Variants in USP32 observed in about 807,000 individuals in gnomAD.
USP32 encodes the protein ubiquitin carboxyl-terminal hydrolase 32.
A neutral mutation model predicts 204.8 loss-of-function variants in USP32; 59 were observed. The ratio of observed to expected loss-of-function variants is 0.29; its 90% CI spans 0.23 to 0.36. The LOEUF (loss-of-function observed/expected upper bound fraction) is 0.36. USP32 is among the 10% of genes least tolerant of loss of function. The probability of loss-of-function intolerance (pLI) is 1.00; values close to 1 mark genes in which losing one functional copy is unlikely to be tolerated. For missense variants in USP32, 1,160 were observed against 1,946.4 expected (o/e 0.60, Z 7.60); for synonymous variants, 517 against 678.4 (o/e 0.76, Z 3.70).
chr17:60,358,635 G>T lies in USP32; in HGVS notation c.59-13027C>A, dbSNP rs1184707549. ...TCCTCTGTGCTTCAAGAATATAAAAGACCACTAGGAAAACAGAAGGTCAAG... is the reference window on the plus strand; with the variant it reads ...TCCTCTGTGCTTCAAGAATATAAAATACCACTAGGAAAACAGAAGGTCAAG... On this transcript the variant is annotated intron_variant, in intron 1 of 33. Coordinates refer to ENST00000300896, the MANE Select transcript of USP32 (RefSeq NM_032582.4). 3.3e-5 allele frequency among the ~76,000 whole-genome samples: 5 copies of T among 152,066 alleles called. No homozygotes were observed. In the East Asian group the frequency reaches 9.6e-4, roughly 29 times the overall value.
intron 2 of USP32, among the ~76,000 whole-genome samples, chr17:60,309,499 G>A (rs1029750597): frequency 1.6e-4 from 25 of 152,138 alleles, no homozygotes; most frequent in African/African-American, 5.8e-4. Flanking sequence ...TTACTCGGGA[G>A]GCTGAGGTGG....
chr17:60,186,233 T>C (rs1279740895), intron 29 of USP32, among the ~76,000 whole-genome samples: 1 of 152,250 alleles, frequency 6.6e-6, no homozygotes, highest in Non-Finnish European at 1.5e-5. Context: ...GAATTGCATT[T>C]ATTTAACAAC....
intron 1 of USP32, among the ~76,000 whole-genome samples, chr17:60,371,314 C>T (rs2089436614): frequency 6.6e-6 from 1 of 150,406 alleles, no homozygotes; most frequent in African/African-American, 2.4e-5. Flanking sequence ...CACGTATAAT[C>T]CCAGCACTTT....
intron 22 of USP32, among the ~76,000 whole-genome samples, 191 bp from the exon 23 acceptor site, chr17:60,209,019 G>A (rs2084898274): frequency 6.6e-6 from 1 of 151,996 alleles, no homozygotes; most frequent in South Asian, 2.1e-4. Flanking sequence ...AGGTAACAAT[G>A]GTAAATATTA....
intron 3 of USP32, among the ~76,000 whole-genome samples, chr17:60,297,224 C>T (rs2087453336): frequency 6.6e-6 from 1 of 151,902 alleles, no homozygotes; most frequent in African/African-American, 2.4e-5. Flanking sequence ...ATAGCGAGAC[C>T]CCTATCTCTA....
At chr17:60,201,747 C>G (rs1310956424) in intron 26 of USP32, among the ~76,000 whole-genome samples, 1 of 152,000 alleles carries the variant, frequency 6.6e-6, no homozygotes, top group Non-Finnish European at 1.5e-5. Context: ...CAACCTCTGC[C>G]TCTGGGGTTC....
rs757013642 is a variant in USP32 at position 60,420,283 on chromosome 17, C to T, written c.106+1963G>A. Among the ~76,000 whole-genome samples the T allele has an allele frequency of 2.2e-3, 336 of 152,028 alleles. 2 individuals carry two copies. The highest frequency in any genetic ancestry group is 7.4e-3 in the African/African-American group (306 of 41,458). ...TGCTGCGATTATAGGTGTGAGCCAC[C>T]GCACCCGGCAGAATTATGTTGTTTT... is the stretch of plus-strand genomic sequence containing the variant. On this transcript the variant is annotated intron_variant, in intron 1 of 3. Coordinates refer to the USP32 transcript ENST00000588898.
At chr17:60,201,229 C>T (rs536542478) in intron 26 of USP32, among the ~76,000 whole-genome samples, 1 of 152,180 alleles carries the variant, frequency 6.6e-6, no homozygotes, top group Non-Finnish European at 1.5e-5. Context: ...TATATAACTA[C>T]AAATCCATTC....
chr17:60,301,542 T>G, intron 3 of USP32, 57 bp downstream of exon 3: 30 of 1,092,720 alleles, frequency 2.7e-5, no homozygotes, highest in Non-Finnish European at 3.5e-5. Flanking sequence ...ATCAGAATTT[T>G]GAGATAAATT....
intron 26 of USP32, 119 bp downstream of exon 26, chr17:60,205,328 A>C (rs2084795698): frequency 5.8e-6 from 8 of 1,377,330 alleles, no homozygotes; most frequent in Non-Finnish European, 5.6e-6. Flanking sequence ...ATTAAATTTT[A>C]AAAAATTAAA....
intron 11 of USP32, among the ~76,000 whole-genome samples, chr17:60,250,021 T>TA (rs2086127779): frequency 9.9e-5 from 15 of 151,948 alleles, no homozygotes; most frequent in African/African-American, 3.6e-4. Flanking sequence ...TAAACAAATT[T>TA]TAAAAAAAAC....
At chr17:60,203,647 G>C (rs1175297713) in intron 26 of USP32, among the ~76,000 whole-genome samples, 1 of 151,868 alleles carries the variant, frequency 6.6e-6, no homozygotes, top group Non-Finnish European at 1.5e-5. Context: ...CACGATCTCG[G>C]CTCACTGCAA....
rs529979472 is a variant in USP32 at position 60,264,735 on chromosome 17, C to G, written c.990+677G>C. ...AATCAGCCGGCATGGTGGCACACACCTGCAGTCCCAGCTACTTTGGAGGCT... is the reference window on the plus strand; with the variant it reads ...AATCAGCCGGCATGGTGGCACACACGTGCAGTCCCAGCTACTTTGGAGGCT... On this transcript the variant is annotated intron_variant, in intron 9 of 33. Coordinates refer to ENST00000300896, the MANE Select transcript of USP32 (RefSeq NM_032582.4). Among the ~76,000 whole-genome samples the G allele has an allele frequency of 3.3e-5, 5 of 151,802 alleles. No homozygotes were observed. The South Asian group carries it at 1.0e-3, about 32-fold the overall frequency.
intron 1 of USP32, among the ~76,000 whole-genome samples, chr17:60,410,851 TGGG>T (rs1225693475): frequency 1.4e-5 from 2 of 147,086 alleles, no homozygotes; most frequent in African/African-American, 5.1e-5. Context: ...GAGGCTGAGG[TGGG>T]GGGATCACAA....
chr17:60,226,762 T>G (rs1257297233), intron 12 of USP32, among the ~76,000 whole-genome samples: 1 of 152,138 alleles, frequency 6.6e-6, no homozygotes, highest in Non-Finnish European at 1.5e-5. Flanking sequence ...ATGCTATGAC[T>G]TATACCTATG....
intron 2 of USP32, among the ~76,000 whole-genome samples, chr17:60,320,043 C>G (rs1428315161): frequency 6.6e-6 from 1 of 152,132 alleles, no homozygotes; most frequent in African/African-American, 2.4e-5. Context: ...GAACTCTTCT[C>G]TCACACAATA....
chr17:60,336,030 G>C (rs1002485592), intron 2 of USP32, among the ~76,000 whole-genome samples: 1 of 142,714 alleles, frequency 7.0e-6, no homozygotes, highest in Non-Finnish European at 1.5e-5. Flanking sequence ...CAGTAGCTCG[G>C]TTAATACACC....
At chr17:60,186,080 C>G (rs1193257616) in intron 29 of USP32, 1 of 155,614 alleles carries the variant, frequency 6.4e-6, no homozygotes, top group African/African-American at 2.4e-5. Flanking sequence ...AAACACAACC[C>G]AAACTAGAGT....
At chr17:60,353,060 C>T (rs1325967467) in intron 1 of USP32, among the ~76,000 whole-genome samples, 2 of 152,170 alleles carry the variant, frequency 1.3e-5, no homozygotes, top group African/African-American at 4.8e-5. Context: ...GTGTCCTCCC[C>T]TCAAATTCAT....
Sources: gnomAD v4.1 joint callset for allele counts (sites outside exome capture counted in the v4.1 genomes callset) on GRCh38, gnomAD v4.1.1 for gene constraint, MANE v1.5 for transcripts, NCBI Gene and HGNC (gene_info 2026-07-23, HGNC 2026-07-21) for gene names.